PRKCQ: variants seen among roughly 807,000 people sequenced by gnomAD.
PRKCQ encodes protein kinase C theta.
In PRKCQ, 41 loss-of-function variants were observed where a neutral mutation model predicts 91.2. The observed-to-expected ratio is 0.45, with a 90% CI of 0.35 to 0.58. The LOEUF (loss-of-function observed/expected upper bound fraction) is 0.58, where lower values mean the gene tolerates loss of function less well. PRKCQ is among the 20% of genes least tolerant of loss of function. The pLI is 0.00. For missense variants in PRKCQ, 673 were observed against 896.5 expected, an observed-to-expected ratio of 0.75 and a Z score of 3.18; for synonymous variants, 307 against 316.9, an observed-to-expected ratio of 0.97 and a Z score of 0.33.
chr10:6,418,959 CTAT>C, the PRKCQ span, among the ~76,000 whole-genome samples: 4 of 7,464 alleles, frequency 5.4e-4, no homozygotes, highest in Admixed American at 3.6e-3. Context: ...TATCTAATAT[CTAT>C]CTATCTATCT....
the PRKCQ span, among the ~76,000 whole-genome samples, chr10:6,403,253 A>C: frequency 6.6e-6 from 1 of 152,226 alleles, no homozygotes; most frequent in Non-Finnish European, 1.5e-5. Flanking sequence ...CAGGATTCAG[A>C]CTTCTCAAGG....
At chr10:6,579,488 G>A (rs1010179432) in intron 1 of PRKCQ, among the ~76,000 whole-genome samples, 1 of 152,052 alleles carries the variant, frequency 6.6e-6, no homozygotes. Flanking sequence ...GAGTGCACAC[G>A]CCTGTAGCAT....
At chr10:6,466,815 A>C (rs1458414111) in intron 12 of PRKCQ, among the ~76,000 whole-genome samples, 3 of 152,196 alleles carry the variant, frequency 2.0e-5, no homozygotes, top group African/African-American at 4.8e-5. Flanking sequence ...TGCCTGCTGG[A>C]AAGACTCTGG....
At chr10:6,520,855 G>A (rs781618986) in intron 1 of PRKCQ, among the ~76,000 whole-genome samples, 10 of 152,122 alleles carry the variant, frequency 6.6e-5, no homozygotes, top group Non-Finnish European at 1.3e-4. Flanking sequence ...CCAGGATGTC[G>A]CCTACTTGAT....
At chr10:6,395,211 C>T in the PRKCQ span, among the ~76,000 whole-genome samples, 2,087 of 151,986 alleles carry the variant, frequency 0.014, 28 homozygotes, top group Non-Finnish European at 0.02. Flanking sequence ...CTACAGGTGC[C>T]TGCCACCGTG....
rs1456487286 is a variant in PRKCQ at position 6,430,492 on chromosome 10, T to G, written c.1965+318A>C. On this transcript the variant is annotated intron_variant, in intron 17 of 17. Transcript: ENST00000263125. This position sits in a 1 kb window ranked among gnomAD's most constrained non-coding sequence, Gnocchi z 4.7. Reference sequence around the variant, plus strand: ...TGGACCATTAAGTACGTATGTGTCATGTGCACAACCCCCATCTTGTTTAAT... The same window carrying G: ...TGGACCATTAAGTACGTATGTGTCAGGTGCACAACCCCCATCTTGTTTAAT... Among the ~76,000 whole-genome samples, 1 of 152,230 alleles carries G rather than the reference T, an allele frequency of 6.6e-6. No homozygotes were observed. Among genetic ancestry groups the G allele is most frequent in the African/African-American group, 2.4e-5 (1 of 41,472 alleles).
At chr10:6,436,438 C>T (rs1242276898) in intron 16 of PRKCQ, among the ~76,000 whole-genome samples, 1 of 152,098 alleles carries the variant, frequency 6.6e-6, no homozygotes, top group Non-Finnish European at 1.5e-5. Flanking sequence ...GGCCTGGTAC[C>T]GTGTGTGTAT....
At chr10:6,520,152 G>A (rs769310442) in intron 1 of PRKCQ, among the ~76,000 whole-genome samples, 2 of 152,118 alleles carry the variant, frequency 1.3e-5, no homozygotes, top group Non-Finnish European at 2.9e-5. Flanking sequence ...TCACGCATTC[G>A]ACTCTCTCCT....
chr10:6,486,449 G>C (rs997975480), intron 8 of PRKCQ, among the ~76,000 whole-genome samples: 1 of 152,118 alleles, frequency 6.6e-6, no homozygotes, highest in Non-Finnish European at 1.5e-5. Flanking sequence ...TGTCAGTTTA[G>C]TGTTGCCATG....
chr10:6,512,303 G>C (rs746624366), intron 2 of PRKCQ: 1 of 152,224 alleles, frequency 6.6e-6, no homozygotes, highest in African/African-American at 2.4e-5. Context: ...CAGAGAGGTG[G>C]TGCTGATCTT....
At position 6,428,433 on chromosome 10, in the gene PRKCQ, G is replaced by C. The variant is rs992794026; in HGVS notation, c.1966-71C>G. 1.0e-5 allele frequency: 16 copies of C among 1,534,798 alleles called. No individual in the cohort carries two copies. The Admixed American group carries it at 2.9e-4, about 28-fold the overall frequency. On this transcript the variant is annotated intron_variant, in intron 17 of 17. Coordinates refer to ENST00000263125, the MANE Select transcript of PRKCQ (RefSeq NM_006257.5). ...CATTAAGTTCATGATCTTCACTTTT[G>C]TTATCTAGGCCGTGATCTGCGTATG...
At position 6,441,704 on chromosome 10, in the gene PRKCQ, C is replaced by T. The variant is rs574298800; in HGVS notation, c.1836+189G>A. ...GATGCACATGAGGGTTTCTCTTACA[C>T]TCATTTTGACATTTAATGCTCATAA... On this transcript the variant is annotated intron_variant, in intron 16 of 17. Coordinates refer to ENST00000263125, the MANE Select transcript of PRKCQ (RefSeq NM_006257.5). 1.2e-3 allele frequency among the ~76,000 whole-genome samples: 190 copies of T among 152,288 alleles called. 2 individuals carry two copies. The highest frequency in any genetic ancestry group is 4.3e-3 in the African/African-American group (178 of 41,570).
At chr10:6,494,085 G>T (rs551785326) in intron 7 of PRKCQ, among the ~76,000 whole-genome samples, 1 of 152,262 alleles carries the variant, frequency 6.6e-6, no homozygotes, top group Non-Finnish European at 1.5e-5. Flanking sequence ...GAAGGCACTT[G>T]TTGCTTTCTC....
intron 16 of PRKCQ, among the ~76,000 whole-genome samples, chr10:6,434,791 G>C (rs1032357434): frequency 5.9e-5 from 9 of 152,222 alleles, no homozygotes; most frequent in African/African-American, 2.2e-4. Context: ...TCCCTCTTCA[G>C]TCCCTCCTCA....
At chr10:6,450,185 A>C (rs1834574032) in intron 15 of PRKCQ, among the ~76,000 whole-genome samples, 1 of 149,890 alleles carries the variant, frequency 6.7e-6, no homozygotes, top group Non-Finnish European at 1.5e-5. Context: ...TATTCAGGAA[A>C]CCCATCTCAT....
At chr10:6,451,149 GA>G (rs1834651170) in intron 15 of PRKCQ, among the ~76,000 whole-genome samples, 1 of 150,214 alleles carries the variant, frequency 6.7e-6, no homozygotes, top group Admixed American at 6.6e-5. Context: ...CTGGTTTTTT[GA>G]AAGGATCAAC....
intron 1 of PRKCQ, among the ~76,000 whole-genome samples, chr10:6,565,998 C>G (rs984026259): frequency 1.3e-5 from 2 of 152,176 alleles, no homozygotes; most frequent in African/African-American, 4.8e-5. Context: ...AGTTCCCATT[C>G]TTAGAGGGAG....
intron 12 of PRKCQ, among the ~76,000 whole-genome samples, chr10:6,470,446 T>C (rs111523989): frequency 6.6e-6 from 1 of 152,292 alleles, no homozygotes; most frequent in South Asian, 2.1e-4. Flanking sequence ...TGTAATCACC[T>C]CAAATACAAC....
intron 12 of PRKCQ, among the ~76,000 whole-genome samples, chr10:6,474,828 G>C (rs1836184731): frequency 6.6e-6 from 1 of 152,042 alleles, no homozygotes; most frequent in Non-Finnish European, 1.5e-5. Flanking sequence ...TAAAATGTAA[G>C]TAATGGAAAC....
Sources: gnomAD v4.1 joint callset for allele counts (sites outside exome capture counted in the v4.1 genomes callset) on GRCh38, gnomAD v4.1.1 for gene constraint, Gnocchi (gnomAD v3.1) non-coding constraint, MANE v1.5 for transcripts, NCBI Gene and HGNC (gene_info 2026-07-23, HGNC 2026-07-21) for gene names.